COX7B2: variants seen among roughly 807,000 people sequenced by gnomAD.
The protein encoded by COX7B2 is cytochrome c oxidase subunit 7B2.
For synonymous variants in COX7B2, 37 were observed against 32.1 expected (o/e 1.15, Z -0.51); for missense variants, 109 against 95.9 (o/e 1.14, Z -0.57).
intron 1 of COX7B2, among the ~76,000 whole-genome samples, chr4:46,881,941 G>C (rs1273046278): frequency 6.6e-6 from 1 of 152,108 alleles, no homozygotes; most frequent in Non-Finnish European, 1.5e-5. Context: ...TTAGTGCTAT[G>C]AATTTCCCTC....
At chr4:46,745,470 A>G (rs1714966282) in intron 2 of COX7B2, among the ~76,000 whole-genome samples, 1 of 152,176 alleles carries the variant, frequency 6.6e-6, no homozygotes. Flanking sequence ...CACTTTCATA[A>G]CATTTTGGAG....
intron 1 of COX7B2, among the ~76,000 whole-genome samples, chr4:46,884,078 C>T (rs150554279): frequency 6.7e-6 from 1 of 149,698 alleles, no homozygotes; most frequent in African/African-American, 2.5e-5. Context: ...TATTGCTGTT[C>T]CCATTTTAGA....
chr4:46,798,887 C>G (rs1718503000), intron 2 of COX7B2, among the ~76,000 whole-genome samples: 1 of 152,118 alleles, frequency 6.6e-6, no homozygotes, highest in African/African-American at 2.4e-5. Flanking sequence ...TTAGTCTACA[C>G]CAGTGGCCTC....
intron 2 of COX7B2, among the ~76,000 whole-genome samples, chr4:46,800,926 AC>A (rs2109622344): frequency 6.6e-6 from 1 of 152,146 alleles, no homozygotes; most frequent in East Asian, 1.9e-4. Flanking sequence ...GCAAAAACCA[AC>A]CCCATTTAAA....
chr4:46,779,970 G>C (rs1717356392), intron 2 of COX7B2, among the ~76,000 whole-genome samples: 1 of 152,102 alleles, frequency 6.6e-6, no homozygotes, highest in African/African-American at 2.4e-5. Flanking sequence ...GTAGATTTTA[G>C]ATAACTATGT....
chr4:46,767,814 T>C (rs1165857113), intron 2 of COX7B2, among the ~76,000 whole-genome samples: 2 of 152,216 alleles, frequency 1.3e-5, no homozygotes, highest in African/African-American at 2.4e-5. Context: ...TACCAAAACT[T>C]CTGATATTCA....
chr4:46,853,160 T>C (rs537649721), intron 1 of COX7B2, among the ~76,000 whole-genome samples: 1 of 152,298 alleles, frequency 6.6e-6, no homozygotes, highest in East Asian at 1.9e-4. Flanking sequence ...TGTATTTCCT[T>C]AGGAGCAATG....
chr4:46,760,369 A>G (rs746941159), intron 2 of COX7B2, among the ~76,000 whole-genome samples: 9 of 152,202 alleles, frequency 5.9e-5, no homozygotes, highest in Non-Finnish European at 8.8e-5. Context: ...ATGGAATACT[A>G]TGCAGTCATA....
intron 1 of COX7B2, among the ~76,000 whole-genome samples, chr4:46,849,250 A>C (rs1216924372): frequency 1.3e-5 from 2 of 152,074 alleles, no homozygotes; most frequent in African/African-American, 4.8e-5. Context: ...CATCAAGGCT[A>C]AAAGATTAAA....
At chr4:46,763,216 T>A (rs1228973772) in intron 2 of COX7B2, among the ~76,000 whole-genome samples, 1 of 137,790 alleles carries the variant, frequency 7.3e-6, no homozygotes, top group Non-Finnish European at 1.5e-5. Flanking sequence ...ATATTTATAA[T>A]ATATATTCAT....
chr4:46,873,437 C>G (rs1014719642), intron 1 of COX7B2, among the ~76,000 whole-genome samples: 1 of 152,164 alleles, frequency 6.6e-6, no homozygotes, highest in Non-Finnish European at 1.5e-5. Context: ...TACACTCCCA[C>G]CAACACTGTA....
At chr4:46,829,166 C>A (rs2109718716) in intron 2 of COX7B2, among the ~76,000 whole-genome samples, 1 of 152,180 alleles carries the variant, frequency 6.6e-6, no homozygotes, top group African/African-American at 2.4e-5. Context: ...AGAGAATATA[C>A]TTATTTTTCA....
intron 2 of COX7B2, among the ~76,000 whole-genome samples, chr4:46,776,000 A>G (rs920655545): frequency 2.0e-5 from 3 of 152,196 alleles, no homozygotes; most frequent in African/African-American, 4.8e-5. Flanking sequence ...TTTAAACTGA[A>G]GAATATTTAT....
chr4:46,832,859 A>G (rs1160869930), intron 2 of COX7B2, among the ~76,000 whole-genome samples: 1 of 151,868 alleles, frequency 6.6e-6, no homozygotes, highest in Non-Finnish European at 1.5e-5. Context: ...CACCAGAAGC[A>G]GATGCCAAAA....
intron 2 of COX7B2, among the ~76,000 whole-genome samples, chr4:46,823,522 A>G (rs1714452237): frequency 6.6e-6 from 1 of 151,314 alleles, no homozygotes; most frequent in African/African-American, 2.4e-5. Context: ...TAACTTATCA[A>G]TTGAAAAGGA....
intron 1 of COX7B2, among the ~76,000 whole-genome samples, chr4:46,865,832 C>G (rs976663312): frequency 1.3e-5 from 2 of 152,156 alleles, no homozygotes; most frequent in African/African-American, 2.4e-5. Flanking sequence ...CCTGGCACAT[C>G]TGGAAAATCT....
chr4:46,810,176 T>C (rs1433429694), intron 2 of COX7B2, among the ~76,000 whole-genome samples: 4 of 152,138 alleles, frequency 2.6e-5, no homozygotes, highest in South Asian at 4.1e-4. Context: ...GGATATTGAT[T>C]TTTATCCATT....
chr4:46,752,909 T>C (rs1178234164), intron 2 of COX7B2, among the ~76,000 whole-genome samples: 1 of 152,172 alleles, frequency 6.6e-6, no homozygotes, highest in Non-Finnish European at 1.5e-5. Flanking sequence ...CAGGCTTTGG[T>C]ATCAGGATGA....
At chr4:46,816,578 C>A (rs961087170) in intron 2 of COX7B2, among the ~76,000 whole-genome samples, 1 of 152,132 alleles carries the variant, frequency 6.6e-6, no homozygotes, top group Non-Finnish European at 1.5e-5. Flanking sequence ...TTATCCCCTG[C>A]AGTTATGAGC....
Sources: gnomAD v4.1 joint callset for allele counts (sites outside exome capture counted in the v4.1 genomes callset) on GRCh38, gnomAD v4.1.1 for gene constraint, MANE v1.5 for transcripts, NCBI Gene and HGNC (gene_info 2026-07-23, HGNC 2026-07-21) for gene names.